The following ANKH variants were observed in gnomAD, a reference collection of about 807,000 sequenced individuals.
The protein encoded by ANKH is mineralization regulator ANKH.
Under a neutral mutation model 49.0 loss-of-function variants are expected in ANKH, and 15 were observed. That is an observed-to-expected ratio of 0.31 (90% CI 0.20 to 0.47). The LOEUF is 0.47. Among genes scored for constraint, ANKH ranks in the 20% least tolerant of loss-of-function variants. The probability of loss-of-function intolerance (pLI) is 1.00; values close to 1 mark genes in which losing one functional copy is unlikely to be tolerated. For missense variants in ANKH, 429 were observed against 652.0 expected (o/e 0.66, Z 3.72); for synonymous variants, 273 against 260.0 (o/e 1.05, Z -0.48).
At chr5:14,757,298 T>C (rs1289671784) in intron 3 of ANKH, among the ~76,000 whole-genome samples, 1 of 151,630 alleles carries the variant, frequency 6.6e-6, no homozygotes, top group African/African-American at 2.4e-5. Context: ...AAACTTGAGG[T>C]GGGGGTGGTA....
At chr5:14,860,404 A>G (rs1735446552) in intron 1 of ANKH, among the ~76,000 whole-genome samples, 2 of 152,200 alleles carry the variant, frequency 1.3e-5, no homozygotes, top group Non-Finnish European at 2.9e-5. Flanking sequence ...TCCTCTGTGC[A>G]GTTTGCCTTT....
chr5:14,724,193 T>A (rs962669169), intron 8 of ANKH, among the ~76,000 whole-genome samples: 10 of 152,134 alleles, frequency 6.6e-5, no homozygotes, highest in African/African-American at 2.4e-4. Flanking sequence ...GGTGTGCACC[T>A]GTAATCCTGG....
intron 8 of ANKH, among the ~76,000 whole-genome samples, chr5:14,729,722 C>G (rs533344768): frequency 6.6e-6 from 1 of 152,132 alleles, no homozygotes; most frequent in South Asian, 2.1e-4. Flanking sequence ...GGGGTAGGCT[C>G]TGGCGGGGAG....
At chr5:14,779,834 G>A (rs1449248004) in intron 1 of ANKH, among the ~76,000 whole-genome samples, 1 of 152,194 alleles carries the variant, frequency 6.6e-6, no homozygotes, top group Non-Finnish European at 1.5e-5. Flanking sequence ...TGAGCACCCA[G>A]TTGGCTGCTT....
At chr5:14,744,145 C>A (rs1182814519) in intron 7 of ANKH, among the ~76,000 whole-genome samples, 1 of 152,146 alleles carries the variant, frequency 6.6e-6, no homozygotes, top group Non-Finnish European at 1.5e-5. Context: ...CTGAATTAAA[C>A]CCACTCAAAC....
intron 4 of ANKH, among the ~76,000 whole-genome samples, chr5:14,754,282 T>G (rs1738809118): frequency 6.6e-6 from 1 of 152,174 alleles, no homozygotes; most frequent in Admixed American, 6.5e-5. Context: ...GATAGGCTTT[T>G]CTTCTTCTGT....
chr5:14,769,723 G>C (rs1369496434), intron 1 of ANKH, among the ~76,000 whole-genome samples: 1 of 151,620 alleles, frequency 6.6e-6, no homozygotes, highest in East Asian at 1.9e-4. Context: ...TATGAAAAAA[G>C]GTACTGAAAG....
chr5:14,798,531 C>G lies in ANKH; in HGVS notation c.97-29340G>C, dbSNP rs150579171. ...TAACAAATTGAAGGTTTGTGGCAACCCTGTGTCAAGCAAGTCTATTGGCAC... is the reference window on the plus strand; with the variant it reads ...TAACAAATTGAAGGTTTGTGGCAACGCTGTGTCAAGCAAGTCTATTGGCAC... On this transcript the variant is annotated intron_variant, in intron 1 of 11. Transcript: ENST00000284268. The G allele has an allele frequency of 5.5e-3, 3,879 of 700,532 alleles. 135 individuals carry two copies. In the African/African-American group the frequency reaches 0.062, roughly 11 times the overall value. 43.4% of individuals were successfully genotyped at this position (700,532 alleles called of 1,614,324 possible).
chr5:14,803,305 A>G (rs995766722), intron 1 of ANKH, among the ~76,000 whole-genome samples: 2 of 152,100 alleles, frequency 1.3e-5, no homozygotes, highest in African/African-American at 2.4e-5. Context: ...TTTGAGAAAA[A>G]GTGTTGCTCT....
rs6896981 is a variant in ANKH, at chr5:14,827,895, C to A, written c.96+43457G>T. On this transcript the variant is annotated intron_variant, in intron 1 of 11. Transcript: ENST00000284268. ...ATAATCTGAAATGGTAACTTGATTG[C>A]CAACAGTTTGCAACATTCCCAGGTA... Among the ~76,000 whole-genome samples the A allele has an allele frequency of 7.4e-3, 1,128 of 152,218 alleles. 13 individuals carry two copies. Among genetic ancestry groups the A allele is most frequent in the African/African-American group, 0.026 (1,076 of 41,512 alleles).
chr5:14,862,560 A>G (rs2126632768), intron 1 of ANKH, among the ~76,000 whole-genome samples: 1 of 152,322 alleles, frequency 6.6e-6, no homozygotes, highest in African/African-American at 2.4e-5. Context: ...CCAGCAGAGC[A>G]TTTAGAGAGG....
At chr5:14,777,211 G>A (rs1023746501) in intron 1 of ANKH, among the ~76,000 whole-genome samples, 3 of 152,164 alleles carry the variant, frequency 2.0e-5, no homozygotes, top group Non-Finnish European at 2.9e-5. Flanking sequence ...GCTTGAACAC[G>A]GGAGGTGGAG....
At chr5:14,731,122 G>C (rs544489489) in intron 8 of ANKH, among the ~76,000 whole-genome samples, 1 of 152,362 alleles carries the variant, frequency 6.6e-6, no homozygotes, top group African/African-American at 2.4e-5. Context: ...TCCTCCGGGG[G>C]CAGCGGCCAG....
chr5:14,747,899 T>C (rs1738589490), intron 6 of ANKH, among the ~76,000 whole-genome samples: 1 of 152,136 alleles, frequency 6.6e-6, no homozygotes, highest in African/African-American at 2.4e-5. Context: ...GCTCCCCTTC[T>C]TGCTGCTCTG....
intron 1 of ANKH, among the ~76,000 whole-genome samples, chr5:14,792,299 A>G (rs1740194058): frequency 6.6e-6 from 1 of 152,194 alleles, no homozygotes; most frequent in Admixed American, 6.5e-5. Flanking sequence ...TTTATGAAGA[A>G]CAATCTGGGA....
chr5:14,870,444 A>C (rs1339516223), intron 1 of ANKH: 3 of 152,214 alleles, frequency 2.0e-5, no homozygotes, highest in Non-Finnish European at 4.4e-5. Context: ...AAAAGGAAAG[A>C]AGAAAGACAG....
At chr5:14,720,974 CG>C (rs1466256079) in intron 8 of ANKH, among the ~76,000 whole-genome samples, 4 of 152,238 alleles carry the variant, frequency 2.6e-5, no homozygotes, top group Non-Finnish European at 5.9e-5. Context: ...GATCCACAAT[CG>C]GGTCATGTTC....
At chr5:14,797,339 T>C (rs1204263787) in intron 1 of ANKH, 5 of 1,604,320 alleles carry the variant, frequency 3.1e-6, no homozygotes, top group African/African-American at 1.3e-5. Flanking sequence ...CTTCTGGGGA[T>C]TGTTCCTCTC....
At chr5:14,823,123 A>C (rs144092445) in intron 1 of ANKH, among the ~76,000 whole-genome samples, 3 of 152,364 alleles carry the variant, frequency 2.0e-5, no homozygotes, top group Admixed American at 2.0e-4. Flanking sequence ...ACACTAAATA[A>C]AACCAAACAT....
Sources: allele counts gnomAD v4.1 joint callset (sites outside exome capture counted in the v4.1 genomes callset), GRCh38; gene constraint gnomAD v4.1.1; transcripts MANE v1.5; gene names NCBI Gene and HGNC (gene_info 2026-07-23, HGNC 2026-07-21).